The following AFF1 variants were observed in gnomAD, a reference collection of about 807,000 sequenced individuals.
AFF1 encodes the protein AF4/FMR2 family member 1.
A neutral mutation model predicts 121.7 loss-of-function variants in AFF1; 48 were observed. The ratio of observed to expected loss-of-function variants is 0.39; its 90% CI spans 0.31 to 0.50. The LOEUF is 0.50. Ranked by LOEUF, AFF1 falls within the 20% of genes least tolerant of loss-of-function variation. AFF1 has a pLI of 0.76. For missense variants in AFF1, 1,523 were observed against 1,511.7 expected (o/e 1.01, Z -0.12); for synonymous variants, 613 against 563.0 (o/e 1.09, Z -1.26).
intron 1 of AFF1, chr4:86,935,481 G>A (rs988703803): frequency 6.6e-6 from 1 of 152,464 alleles, no homozygotes; most frequent in Non-Finnish European, 1.5e-5. Flanking sequence ...AGAAAAACAG[G>A]GGACGGGGAC....
At chr4:87,016,445 G>A (rs1727306809) in intron 2 of AFF1, among the ~76,000 whole-genome samples, 1 of 151,816 alleles carries the variant, frequency 6.6e-6, no homozygotes, top group Non-Finnish European at 1.5e-5. Context: ...CAGCTACTCG[G>A]GAGACTGAGG....
In AFF1 at chr4:87,139,387, C is replaced by G; in HGVS notation, c.*3686C>G. The stretch of plus-strand genomic sequence containing the variant: ...TTGTTTTGTTTTCTTGTACTTAAAC[C>G]TGCTTGCTTCCTACCACAGATTCTT... On this transcript the variant is annotated 3_prime_UTR_variant, in exon 21 of 21. Coordinates refer to ENST00000395146, the MANE Select transcript of AFF1 (RefSeq NM_001166693.3). 1 of 232,908 alleles carries G rather than the reference C, an allele frequency of 4.3e-6. No individual in the cohort carries two copies. Among genetic ancestry groups the G allele is most frequent in the South Asian group, 1.8e-4 (1 of 5,512 alleles). The allele number at this position is 232,908 out of a possible 1,614,324, so 14.4% of individuals were successfully genotyped here. A position where few individuals can be genotyped will look rare whatever the true frequency, so the allele number is the denominator to read the frequency against.
chr4:86,960,473 A>G (rs1052571582), intron 2 of AFF1, among the ~76,000 whole-genome samples: 6 of 152,126 alleles, frequency 3.9e-5, no homozygotes, highest in Non-Finnish European at 7.3e-5. Context: ...GTGTAGAAAA[A>G]GGTCCGTTTT....
rs1729577118 is a variant in AFF1 at position 87,139,782 on chromosome 4, C to T, written c.*4081C>T. On this transcript the variant is annotated 3_prime_UTR_variant, in exon 21 of 21. Coordinates refer to ENST00000395146, the MANE Select transcript of AFF1 (RefSeq NM_001166693.3). ...GTTGGGGGTTTTCCTTCAAACACTGCAAGTGATATTGCCACCATGTGAACC... is the reference window on the plus strand; with the variant it reads ...GTTGGGGGTTTTCCTTCAAACACTGTAAGTGATATTGCCACCATGTGAACC... The T allele has an allele frequency of 4.4e-6, 1 of 225,490 alleles. No individual in the cohort carries two copies. The highest frequency in any genetic ancestry group is 8.8e-6 in the Non-Finnish European group (1 of 113,640). 14.0% of individuals were successfully genotyped at this position (225,490 alleles called of 1,614,324 possible). A position where few individuals can be genotyped will look rare whatever the true frequency, so the allele number is the denominator to read the frequency against.
chr4:87,108,302 C>A lies in AFF1; in HGVS notation c.1520C>A (p.Thr507Asn). Residue 507 changes from threonine to asparagine, a missense_variant, in exon 11 of 21, where the codon ACC (threonine) becomes AAC (asparagine). Thr to Asn is a moderately conservative substitution (Grantham distance 65). This residue lies in a region of AFF1 where 905 missense variants were observed against 842.5 expected (regional missense o/e 1.07). Coordinates refer to ENST00000395146, the MANE Select transcript of AFF1 (RefSeq NM_001166693.3). ...AGCGAAGAAAATGAGCCCCTAGAAA[C>A]CCCAGCTCCGGAGGTACCGTGTTCC... ...SDSEENEPLE[T>N]PAPEPEPPTT... is the part of the protein sequence containing the mutation. The A allele has an allele frequency of 1.9e-6, 3 of 1,613,298 alleles. No individual in the cohort carries two copies. Among genetic ancestry groups the A allele is most frequent in the Non-Finnish European group, 2.5e-6 (3 of 1,179,870 alleles).
chr4:87,058,492 TCA>T (rs2149645024), intron 4 of AFF1, among the ~76,000 whole-genome samples: 1 of 152,114 alleles, frequency 6.6e-6, no homozygotes, highest in South Asian at 2.1e-4. Flanking sequence ...ATGAATTCTC[TCA>T]GTTCTTTCTA....
chr4:87,117,507 A>T (rs1727247430), intron 12 of AFF1, among the ~76,000 whole-genome samples: 1 of 152,138 alleles, frequency 6.6e-6, no homozygotes, highest in Non-Finnish European at 1.5e-5. Context: ...GTATTTTAAA[A>T]ATTCCTCTGG....
intron 2 of AFF1, among the ~76,000 whole-genome samples, chr4:87,032,423 G>A (rs1024547066): frequency 3.3e-5 from 5 of 152,158 alleles, no homozygotes; most frequent in African/African-American, 7.2e-5. Flanking sequence ...AATAACCAAA[G>A]GGAAAGATAA....
At chr4:87,030,468 A>T (rs149287804) in intron 2 of AFF1, among the ~76,000 whole-genome samples, 2,325 of 152,324 alleles carry the variant, frequency 0.015, 34 homozygotes, top group Non-Finnish European at 0.024. Context: ...GTTGAAATTT[A>T]AAGATTGGCC....
At chr4:86,986,786 TAAGTAATATTACATTAATATC>T (rs1420219804) in intron 2 of AFF1, among the ~76,000 whole-genome samples, 5 of 152,102 alleles carry the variant, frequency 3.3e-5, no homozygotes, top group African/African-American at 1.2e-4. Flanking sequence ...ACATTAATAT[TAAGTAATATTACATTAATATC>T]AAGTAATAAA....
chr4:86,968,503 T>C (rs1371854267), intron 2 of AFF1, among the ~76,000 whole-genome samples: 1 of 152,190 alleles, frequency 6.6e-6, no homozygotes. Context: ...AAGTATGATA[T>C]TTCGACTGTG....
chr4:87,105,564 A>G (rs920577468), intron 8 of AFF1, 64 bp from the exon 9 acceptor site: 78 of 1,570,116 alleles, frequency 5.0e-5, no homozygotes, highest in Non-Finnish European at 6.2e-5. Flanking sequence ...TTCTATTTAC[A>G]TGCTAGAAAA....
Position 87,049,641 on chromosome 4 carries a change from A to G in AFF1, c.1059+2047A>G, listed in dbSNP as rs1469551769. The G allele has an allele frequency of 8.8e-6, 4 of 456,098 alleles. No homozygotes were observed. The East Asian group carries it at 2.8e-4, about 32-fold the overall frequency. The allele number at this position is 456,098 out of a possible 1,614,324, so 28.3% of individuals were successfully genotyped here. ...GAGTAGAAGTAAACCTTTCATCTGCAGCCTCTGTTCACAGTCAGCATTTCC... is the reference window on the plus strand; with the variant it reads ...GAGTAGAAGTAAACCTTTCATCTGCGGCCTCTGTTCACAGTCAGCATTTCC... On this transcript the variant is annotated intron_variant, in intron 4 of 20. Coordinates refer to ENST00000395146, the MANE Select transcript of AFF1 (RefSeq NM_001166693.3).
chr4:86,995,266 C>T (rs553273766), intron 2 of AFF1, among the ~76,000 whole-genome samples: 1,683 of 119,220 alleles, frequency 0.014, 29 homozygotes, highest in Non-Finnish European at 0.022. Flanking sequence ...AAATCTACCC[C>T]CTTCCCCCTC....
intron 2 of AFF1, chr4:87,006,955 C>T (rs1484396565): frequency 1.9e-6 from 2 of 1,032,910 alleles, no homozygotes; most frequent in Non-Finnish European, 2.3e-6. Context: ...GGGGGTATCC[C>T]GGCGGACTCG....
At chr4:87,015,599 C>T (rs1727214025) in intron 2 of AFF1, among the ~76,000 whole-genome samples, 1 of 152,190 alleles carries the variant, frequency 6.6e-6, no homozygotes. Context: ...ATAATTCTGT[C>T]ACTGCTGATG....
At chr4:87,053,503 C>T (rs1266019405) in intron 4 of AFF1, among the ~76,000 whole-genome samples, 1 of 152,182 alleles carries the variant, frequency 6.6e-6, no homozygotes, top group Non-Finnish European at 1.5e-5. Context: ...TAATTTAAAC[C>T]TCAAGAAGAG....
At chr4:87,069,139 C>T (rs1185321441) in intron 4 of AFF1, among the ~76,000 whole-genome samples, 1 of 152,140 alleles carries the variant, frequency 6.6e-6, no homozygotes, top group Non-Finnish European at 1.5e-5. Flanking sequence ...AAAATGACCT[C>T]TGTGGTTTAG....
At chr4:86,961,870 G>A (rs1435729774) in intron 2 of AFF1, among the ~76,000 whole-genome samples, 1 of 152,012 alleles carries the variant, frequency 6.6e-6, no homozygotes, top group Non-Finnish European at 1.5e-5. Flanking sequence ...AGCAGTTCTC[G>A]TTTTAGATTA....
Sources: allele counts gnomAD v4.1 joint callset (sites outside exome capture counted in the v4.1 genomes callset), GRCh38; gene constraint gnomAD v4.1.1; regional missense constraint gnomAD v4.1.1; transcripts MANE v1.5; gene names NCBI Gene and HGNC (gene_info 2026-07-23, HGNC 2026-07-21).